PGCKA1: variants seen among roughly 807,000 people sequenced by gnomAD.
The protein encoded by PGCKA1 is PDCD10 and GCKIII kinases-associated protein 1.
chr4:37,474,165 A>G, the PGCKA1 span, among the ~76,000 whole-genome samples: 1 of 152,184 alleles, frequency 6.6e-6, no homozygotes, highest in Admixed American at 6.6e-5. Flanking sequence ...GTGCCCTGCC[A>G]TCATGAATGG....
chr4:37,499,257 T>C, the PGCKA1 span, among the ~76,000 whole-genome samples: 1 of 152,212 alleles, frequency 6.6e-6, no homozygotes, highest in Non-Finnish European at 1.5e-5. Flanking sequence ...TACACCAGTG[T>C]TTACCAAAGA....
chr4:37,544,210 GC>G, the PGCKA1 span, among the ~76,000 whole-genome samples: 1 of 152,118 alleles, frequency 6.6e-6, no homozygotes, highest in Non-Finnish European at 1.5e-5. Flanking sequence ...TCATGCTGAT[GC>G]CCAGCTCTTT....
chr4:37,575,492 G>T, the PGCKA1 span, among the ~76,000 whole-genome samples: 1 of 151,272 alleles, frequency 6.6e-6, no homozygotes, highest in Non-Finnish European at 1.5e-5. Flanking sequence ...TACATATTTT[G>T]GTTATTAATC....
At chr4:37,581,251 C>T in the PGCKA1 span, among the ~76,000 whole-genome samples, 3 of 151,954 alleles carry the variant, frequency 2.0e-5, no homozygotes, top group Non-Finnish European at 4.4e-5. The surrounding 1 kb of genome is among the most constrained non-coding windows in gnomAD (Gnocchi z 4.4). Context: ...TGAGCTGGTA[C>T]CTAAAGTGCA....
At chr4:37,519,925 G>A in the PGCKA1 span, among the ~76,000 whole-genome samples, 1 of 152,122 alleles carries the variant, frequency 6.6e-6, no homozygotes, top group African/African-American at 2.4e-5. Flanking sequence ...TTATGTTGAG[G>A]TATAATCCTT....
chr4:37,531,219 A>C, the PGCKA1 span, among the ~76,000 whole-genome samples: 1 of 152,164 alleles, frequency 6.6e-6, no homozygotes, highest in Non-Finnish European at 1.5e-5. Flanking sequence ...CCCCTTCTAC[A>C]TCCTTCCTTC....
At chr4:37,494,830 A>T in the PGCKA1 span, among the ~76,000 whole-genome samples, 1 of 152,136 alleles carries the variant, frequency 6.6e-6, no homozygotes, top group African/African-American at 2.4e-5. Context: ...GACTGGTGCA[A>T]GATGGTATCT....
chr4:37,473,054 C>T, the PGCKA1 span, among the ~76,000 whole-genome samples: 1 of 152,132 alleles, frequency 6.6e-6, no homozygotes, highest in Non-Finnish European at 1.5e-5. Context: ...GATGAGAAGA[C>T]TGAACCCTTC....
chr4:37,498,354 T>A, the PGCKA1 span, among the ~76,000 whole-genome samples: 2 of 152,172 alleles, frequency 1.3e-5, no homozygotes, highest in African/African-American at 4.8e-5. Flanking sequence ...TCCAGATTTG[T>A]TATTTTTGCT....
the PGCKA1 span, among the ~76,000 whole-genome samples, chr4:37,560,995 C>T: frequency 2.6e-5 from 4 of 152,118 alleles, no homozygotes; most frequent in Non-Finnish European, 5.9e-5. Context: ...AGAGTTCTCT[C>T]TCCTCCTTTT....
the PGCKA1 span, among the ~76,000 whole-genome samples, chr4:37,538,513 AAG>A: frequency 6.6e-6 from 1 of 152,202 alleles, no homozygotes; most frequent in Non-Finnish European, 1.5e-5. Flanking sequence ...TTGTGCTGCA[AAG>A]AGAGAGAACA....
At chr4:37,482,098 T>A in the PGCKA1 span, among the ~76,000 whole-genome samples, 1 of 152,206 alleles carries the variant, frequency 6.6e-6, no homozygotes, top group Non-Finnish European at 1.5e-5. Flanking sequence ...TACCCATCTT[T>A]GGTATGTCTT....
chr4:37,538,027 C>T, the PGCKA1 span, among the ~76,000 whole-genome samples: 2 of 151,638 alleles, frequency 1.3e-5, no homozygotes, highest in Non-Finnish European at 2.9e-5. Context: ...CTTCCACTGT[C>T]ACCACCATCA....
At chr4:37,524,914 A>AAAGGG in the PGCKA1 span, among the ~76,000 whole-genome samples, 11 of 152,286 alleles carry the variant, frequency 7.2e-5, no homozygotes, top group South Asian at 2.1e-4. Context: ...GGGTACTAGA[A>AAAGGG]AAGGGAAGGG....
chr4:37,588,760 A>C, the PGCKA1 span: 4 of 928,898 alleles, frequency 4.3e-6, no homozygotes, highest in Non-Finnish European at 7.0e-6. Flanking sequence ...ATACATTTTG[A>C]GTCTCTAGGG....
At chr4:37,564,290 A>G in the PGCKA1 span, among the ~76,000 whole-genome samples, 1 of 41,524 alleles carries the variant, frequency 2.4e-5, no homozygotes, top group Non-Finnish European at 6.1e-5. Flanking sequence ...AAAAAAAAAA[A>G]GAAAGAAAAA....
At chr4:37,474,076 A>G in the PGCKA1 span, among the ~76,000 whole-genome samples, 3 of 152,090 alleles carry the variant, frequency 2.0e-5, no homozygotes, top group Non-Finnish European at 4.4e-5. Context: ...TGTGTCCCCC[A>G]AATTTCATGT....
the PGCKA1 span, among the ~76,000 whole-genome samples, chr4:37,474,410 G>A: frequency 6.6e-6 from 1 of 152,182 alleles, no homozygotes; most frequent in African/African-American, 2.4e-5. Flanking sequence ...TGCTATAGCA[G>A]CACAAAGCAG....
the PGCKA1 span, among the ~76,000 whole-genome samples, chr4:37,525,025 T>C: frequency 6.6e-6 from 1 of 152,150 alleles, no homozygotes; most frequent in Non-Finnish European, 1.5e-5. Flanking sequence ...AATTCCAAAA[T>C]TTGTGCAGTC....
Sources: allele counts gnomAD v4.1 joint callset (sites outside exome capture counted in the v4.1 genomes callset), GRCh38; gene constraint gnomAD v4.1.1; non-coding constraint Gnocchi (gnomAD v3.1); transcripts MANE v1.5; gene names NCBI Gene and HGNC (gene_info 2026-07-23, HGNC 2026-07-21).